The following IMPDH1 variants were observed in gnomAD, a reference collection of about 807,000 sequenced individuals.
The protein encoded by IMPDH1 is inosine-5'-monophosphate dehydrogenase 1.
IMPDH1 carries 41 observed loss-of-function variants against 73.5 expected under a neutral mutation model. That is an observed-to-expected ratio of 0.56 (90% CI 0.43 to 0.72). IMPDH1 has a LOEUF of 0.72. IMPDH1 is among the 30% of genes least tolerant of loss of function. The probability of loss-of-function intolerance (pLI) is 0.00; values close to 1 mark genes in which losing one functional copy is unlikely to be tolerated. For synonymous variants in IMPDH1, 318 were observed against 334.3 expected, an observed-to-expected ratio of 0.95 and a Z score of 0.53; for missense variants, 645 against 824.8, an observed-to-expected ratio of 0.78 and a Z score of 2.67.
chr7:128,403,838 G>T (rs1037820914), intron 4 of IMPDH1, 84 bp from the exon 5 acceptor site: 7 of 1,229,600 alleles, frequency 5.7e-6, no homozygotes, highest in Non-Finnish European at 8.4e-6. Context: ...GAGGCAGCAG[G>T]GGGGTACAGA....
rs1440731264 is a variant in IMPDH1, at chr7:128,409,461, T to TA, written c.169_170insT (p.His57LeufsTer29). On this transcript the variant is annotated frameshift_variant, in exon 2 of 17. Transcript: ENST00000338791. LOFTEE classifies it high-confidence loss of function. ...GCCACCTGAACGGGGTGTCGTCGGG[T>TA]GTGTAGCGAGGTCCAATCTAGGGCT... The TA allele has an allele frequency of 6.2e-7, 1 of 1,614,146 alleles. No individual in the cohort carries two copies. Among genetic ancestry groups the TA allele is most frequent in the East Asian group, 2.2e-5 (1 of 44,882 alleles).
At chr7:128,401,762 A>T (rs1798354816) in intron 5 of IMPDH1, among the ~76,000 whole-genome samples, 2 of 152,186 alleles carry the variant, frequency 1.3e-5, no homozygotes, top group Non-Finnish European at 2.9e-5. Context: ...TCTTTTAGGC[A>T]TCCAGGAAAG....
chr7:128,395,070 A>G (rs752592517), intron 13 of IMPDH1, 37 bp from the exon 14 acceptor site: 1 of 1,613,244 alleles, frequency 6.2e-7, no homozygotes, highest in African/African-American at 1.3e-5. Flanking sequence ...CCAGCCCACT[A>G]GTGCCACCCC....
rs756681486 is a variant in IMPDH1 at position 128,400,180 on chromosome 7, C to T, written c.789G>A (p.Val263=). The T allele has an allele frequency of 6.2e-7, 1 of 1,614,140 alleles. No individual in the cohort carries two copies. Among genetic ancestry groups the T allele is most frequent in the Middle Eastern group, 1.6e-4 (1 of 6,062 alleles). ...CCACCAGTTCAATCCTTGGCGTCAT[C>T]ACCTGTGGGGCCAGGAACATTTGCC... The part of the protein sequence containing the change: ...EKDHTTLLSE[V]MTPRIELVVA... The change falls in exon 9 of 17, where the codon GTG becomes GTA. Residue 263 remains valine, a splice_region_variant and synonymous_variant. Coordinates refer to ENST00000338791, the MANE Select transcript of IMPDH1 (RefSeq NM_000883.4).
chr7:128,400,299 A>G (rs1562992833), intron 8 of IMPDH1, 34 bp downstream of exon 8: 1 of 1,609,396 alleles, frequency 6.2e-7, no homozygotes. Context: ...GGTCCTCTCT[A>G]CACCCAGCCC....
rs1251308105 is a variant in IMPDH1, at chr7:128,398,918, G to A, written c.875-305C>T. Reference sequence around the variant, plus strand: ...TTTCACCTGCTGGGCCACAGTGGCCGAAATCTCCTAGCCAGGAGTGATGCT... The same window carrying A: ...TTTCACCTGCTGGGCCACAGTGGCCAAAATCTCCTAGCCAGGAGTGATGCT... On this transcript the variant is annotated intron_variant, in intron 9 of 16. Transcript: ENST00000338791. The surrounding 1 kb of genome is among the most constrained non-coding windows in gnomAD (Gnocchi z 4.3). 3.9e-5 allele frequency among the ~76,000 whole-genome samples: 6 copies of A among 152,218 alleles called. 1 individual carries two copies. The highest frequency in any genetic ancestry group is 4.1e-4 in the South Asian group (2 of 4,830).
intron 16 of IMPDH1, among the ~76,000 whole-genome samples, chr7:128,393,444 G>A (rs1797674489): frequency 6.6e-6 from 1 of 152,222 alleles, no homozygotes; most frequent in Admixed American, 6.5e-5. Flanking sequence ...ACTGGGTCCA[G>A]TCTAAAATGG....
intron 3 of IMPDH1, among the ~76,000 whole-genome samples, chr7:128,407,839 C>CT (rs1164711174): frequency 2.6e-5 from 4 of 152,144 alleles, no homozygotes; most frequent in African/African-American, 7.2e-5. Context: ...CCCCAGCCTT[C>CT]TTAGGCTGCC....
chr7:128,409,671 C>A, intron 1 of IMPDH1, 85 bp downstream of exon 1: 1 of 1,514,328 alleles, frequency 6.6e-7, no homozygotes, highest in African/African-American at 1.4e-5. Flanking sequence ...CCCTCCCCCG[C>A]AGCGTCGCCG....
In IMPDH1 at chr7:128,401,118, T is replaced by G; in HGVS notation, c.403-2A>C. ...CCGGGTCAGGGCTGAGGTCAGGTCC[T>G]GAGGATGGAGGCACAGCCCACGTAA... On this transcript the variant is annotated splice_acceptor_variant, in intron 5 of 16. Transcript: ENST00000338791. LOFTEE classifies it high-confidence loss of function. 1.2e-6 allele frequency: 2 copies of G among 1,611,548 alleles called. No homozygotes were observed. The highest frequency in any genetic ancestry group is 1.7e-6 in the Non-Finnish European group (2 of 1,178,468).
At position 128,409,839 on chromosome 7, in the gene IMPDH1, G is replaced by A. The variant is rs958607869; in HGVS notation, c.63C>T (p.Pro21=). The change falls in exon 1 of 17, where the codon CCC becomes CCT. Residue 21 remains proline (P), a synonymous_variant. Transcript: ENST00000338791. Reference sequence around the variant, plus strand: ...CGTGTCCCGGGTGTTGCCGGGCTCCGGGCTCCGGAACAGCGGCGGCTCCGC... The same window carrying A: ...CGTGTCCCGGGTGTTGCCGGGCTCCAGGCTCCGGAACAGCGGCGGCTCCGC... ...QGGGAAAVPE[P]GARQHPGHET... 2.0e-6 allele frequency: 3 copies of A among 1,495,836 alleles called. No homozygotes were observed. The highest frequency in any genetic ancestry group is 4.3e-5 in the Admixed American group (2 of 46,102). 92.7% of individuals were successfully genotyped at this position (1,495,836 alleles called of 1,614,324 possible).
chr7:128,405,676 G>A (rs1798674746), intron 4 of IMPDH1, 91 bp downstream of exon 4: 16 of 1,464,868 alleles, frequency 1.1e-5, no homozygotes, highest in South Asian at 3.9e-5. Flanking sequence ...ACCGGGCAGG[G>A]AACGCCGGGG....
In IMPDH1 at chr7:128,396,973, A is replaced by G. The variant is rs1797963063; in HGVS notation, c.1124T>C (p.Ile375Thr). Residue 375 changes from isoleucine (I) to threonine (T), a missense_variant, in exon 11 of 17, where the codon ATC (isoleucine) becomes ACC (threonine). By Grantham distance (89) the Ile-to-Thr change is moderately conservative. Coordinates refer to ENST00000338791, the MANE Select transcript of IMPDH1 (RefSeq NM_000883.4). This position sits in a 1 kb window ranked among gnomAD's most constrained non-coding sequence, Gnocchi z 4.0. ...SVYQIAMVHY[I>T]KQKYPHLQVI... ...CTGGAGGTGGGGGTACTTCTGTTTGATGTAATGCACCATGGCGATCTGATA... is the reference window on the plus strand; with the variant it reads ...CTGGAGGTGGGGGTACTTCTGTTTGGTGTAATGCACCATGGCGATCTGATA... The G allele has an allele frequency of 6.2e-7, 1 of 1,613,906 alleles. No homozygotes were observed. Among genetic ancestry groups the G allele is most frequent in the Non-Finnish European group, 8.5e-7 (1 of 1,179,996 alleles).
rs571747669 is a variant in IMPDH1 at position 128,404,360 on chromosome 7, A to T, written c.354-606T>A. On this transcript the variant is annotated intron_variant, in intron 4 of 16. Coordinates refer to ENST00000338791, the MANE Select transcript of IMPDH1 (RefSeq NM_000883.4). ...GGAGGAAAGAGGCCTTAGAGGTGGG[A>T]CCAGGACACTGGGTCCCCAGCCAAA... is the stretch of plus-strand genomic sequence containing the variant. 5.3e-5 allele frequency among the ~76,000 whole-genome samples: 8 copies of T among 152,230 alleles called. No homozygotes were observed. The South Asian group carries it at 1.7e-3, about 32-fold the overall frequency.
At chr7:128,393,939 T>C (rs1172694863) in intron 16 of IMPDH1, among the ~76,000 whole-genome samples, 1 of 152,140 alleles carries the variant, frequency 6.6e-6, no homozygotes, top group African/African-American at 2.4e-5. Context: ...CCGCATCTTC[T>C]GCCTGGCTGC....
intron 1 of IMPDH1, 78 bp from the exon 2 acceptor site, chr7:128,409,562 C>T: frequency 6.4e-7 from 1 of 1,564,146 alleles, no homozygotes; most frequent in Non-Finnish European, 8.8e-7. Flanking sequence ...TAACCCTTCG[C>T]ACAGTGCCCG....
At chr7:128,400,031 G>A (rs1798203876) in intron 9 of IMPDH1, 64 bp downstream of exon 9, 1 of 1,275,176 alleles carries the variant, frequency 7.8e-7, no homozygotes, top group East Asian at 2.3e-5. Context: ...GGCTGTGAAG[G>A]AACAACGGGA....
intron 5 of IMPDH1, among the ~76,000 whole-genome samples, 169 bp from the exon 6 acceptor site, chr7:128,401,285 A>G (rs4731448): frequency 0.77 from 116,494 of 152,184 alleles, 44,807 homozygotes; most frequent in East Asian, 0.94. Flanking sequence ...TGGAAAGAAA[A>G]ATGACAGACA....
chr7:128,396,526 T>A lies in IMPDH1; in HGVS notation c.1261+74A>T. 8.9e-7 allele frequency: 1 copy of A among 1,126,154 alleles called. No homozygotes were observed. The highest frequency in any genetic ancestry group is 1.3e-6 in the Non-Finnish European group (1 of 761,136). The allele number at this position is 1,126,154 out of a possible 1,614,324, so 69.8% of individuals were successfully genotyped here. A position where few individuals can be genotyped will look rare whatever the true frequency, so the allele number is the denominator to read the frequency against. On this transcript the variant is annotated intron_variant, in intron 12 of 16. Coordinates refer to ENST00000338791, the MANE Select transcript of IMPDH1 (RefSeq NM_000883.4). This position sits in a 1 kb window ranked among gnomAD's most constrained non-coding sequence, Gnocchi z 4.0. ...GCAGAACAGGGCCTGGCAGAGAGAG[T>A]ACTTGATATACATCTGGGGAACAAA...
Sources: allele counts gnomAD v4.1 joint callset (sites outside exome capture counted in the v4.1 genomes callset), GRCh38; gene constraint gnomAD v4.1.1; non-coding constraint Gnocchi (gnomAD v3.1); transcripts MANE v1.5; gene names NCBI Gene and HGNC (gene_info 2026-07-23, HGNC 2026-07-21).